Variants in PHACTR1 observed in about 807,000 individuals in gnomAD.
PHACTR1 encodes the protein phosphatase and actin regulator 1, also known as RPEL repeat containing 1.
In PHACTR1, 16 loss-of-function variants were observed where a neutral mutation model predicts 69.2. That is an observed-to-expected ratio of 0.23 (90% CI 0.16 to 0.35). The LOEUF (loss-of-function observed/expected upper bound fraction) is 0.35, where lower values mean the gene tolerates loss of function less well. PHACTR1 is among the 10% of genes least tolerant of loss of function. The pLI, the probability that PHACTR1 is intolerant of heterozygous loss-of-function variation, is 1.00. For missense variants in PHACTR1, 510 were observed against 734.7 expected (o/e 0.69, Z 3.54); for synonymous variants, 312 against 284.5 (o/e 1.10, Z -0.97).
At chr6:12,723,957 T>C (rs763042160) in intron 3 of PHACTR1, among the ~76,000 whole-genome samples, 13 of 152,296 alleles carry the variant, frequency 8.5e-5, no homozygotes, top group Non-Finnish European at 1.5e-4. Context: ...CAGCTATTCT[T>C]CCCCGAATAA....
At chr6:13,170,283 A>T (rs186542476) in intron 6 of PHACTR1, among the ~76,000 whole-genome samples, 7 of 152,310 alleles carry the variant, frequency 4.6e-5, no homozygotes, top group African/African-American at 1.4e-4. Flanking sequence ...GTTTCCATAA[A>T]TTTAAGTATT....
chr6:13,009,804 C>A (rs1296611312), intron 4 of PHACTR1, among the ~76,000 whole-genome samples: 5 of 152,204 alleles, frequency 3.3e-5, no homozygotes, highest in Non-Finnish European at 7.4e-5. Context: ...GCTGCCCATC[C>A]TTGACCTCCC....
At chr6:13,182,308 A>G (rs1460741065) in intron 6 of PHACTR1, among the ~76,000 whole-genome samples, 4 of 152,206 alleles carry the variant, frequency 2.6e-5, no homozygotes, top group Non-Finnish European at 5.9e-5. Context: ...AACAGGCAAA[A>G]TGCTGAAGAT....
chr6:13,001,208 G>A (rs1044416103), intron 4 of PHACTR1, among the ~76,000 whole-genome samples: 6 of 152,178 alleles, frequency 3.9e-5, no homozygotes, highest in Admixed American at 2.0e-4. Flanking sequence ...ATTTTTAGTT[G>A]TGAAAATCAA....
chr6:13,131,711 A>G (rs1820495283), intron 5 of PHACTR1, among the ~76,000 whole-genome samples: 1 of 152,218 alleles, frequency 6.6e-6, no homozygotes, highest in African/African-American at 2.4e-5. Flanking sequence ...TAATTTGATA[A>G]CATGTGGCAT....
intron 4 of PHACTR1, among the ~76,000 whole-genome samples, chr6:13,011,876 C>T (rs948168993): frequency 1.3e-5 from 2 of 152,106 alleles, no homozygotes; most frequent in African/African-American, 4.8e-5. Flanking sequence ...CAGTAAATTC[C>T]CTGGTGCACT....
At chr6:13,067,602 C>T (rs564310174) in intron 5 of PHACTR1, among the ~76,000 whole-genome samples, 1 of 152,220 alleles carries the variant, frequency 6.6e-6, no homozygotes, top group African/African-American at 2.4e-5. Flanking sequence ...AGTTCAATGC[C>T]ATGTACTTGG....
At chr6:13,067,494 C>T (rs922637086) in intron 5 of PHACTR1, among the ~76,000 whole-genome samples, 2 of 152,192 alleles carry the variant, frequency 1.3e-5, no homozygotes, top group South Asian at 4.1e-4. Flanking sequence ...TCAATAAAAA[C>T]TGACACTGGA....
chr6:13,263,238 G>GTTTTTTTTTTT lies in PHACTR1; in HGVS notation c.1392-9609_1392-9599dup, dbSNP rs57164668. ...GTGTCCTTTATTTTGGGCTTTTAGTGTTTTTTTTTTTTTTTTTTTTTTTCA... is the reference window on the plus strand; with the variant it reads ...GTGTCCTTTATTTTGGGCTTTTAGTGTTTTTTTTTTTTTTTTTTTTTTTTTTTTTTTTTTCA... On this transcript the variant is annotated intron_variant, in intron 10 of 14. Coordinates refer to ENST00000332995, the MANE Select transcript of PHACTR1 (RefSeq NM_030948.6). Among the ~76,000 whole-genome samples, 9 of 84,272 alleles carry GTTTTTTTTTTT rather than the reference G, an allele frequency of 1.1e-4. No individual in the cohort carries two copies. The East Asian group carries it at 2.1e-3, about 20-fold the overall frequency. 55.3% of individuals were successfully genotyped at this position (84,272 alleles called of 152,430 possible). A position where few individuals can be genotyped will look rare whatever the true frequency, so the allele number is the denominator to read the frequency against.
Position 12,880,006 on chromosome 6 carries a change from G to A in PHACTR1, c.250+130216G>A, listed in dbSNP as rs116200056. Among the ~76,000 whole-genome samples, 676 of 152,260 alleles carry A rather than the reference G, an allele frequency of 4.4e-3. 9 individuals carry two copies. The highest frequency in any genetic ancestry group is 0.015 in the African/African-American group (642 of 41,550). ...CACATTATTCCCAGAATTTTGAGGT[G>A]CAAAGAGCTAACATCTATTGAGTGT... is the stretch of plus-strand genomic sequence containing the variant. On this transcript the variant is annotated intron_variant, in intron 4 of 14. Coordinates refer to ENST00000332995, the MANE Select transcript of PHACTR1 (RefSeq NM_030948.6).
chr6:12,958,074 T>C, intron 4 of PHACTR1: 1 of 943,388 alleles, frequency 1.1e-6, no homozygotes, highest in Non-Finnish European at 1.3e-6. Flanking sequence ...TATTGCCTTT[T>C]GTTTATTTGT....
chr6:12,828,855 T>A (rs544256217), intron 4 of PHACTR1, among the ~76,000 whole-genome samples: 24 of 152,184 alleles, frequency 1.6e-4, no homozygotes, highest in African/African-American at 5.8e-4. Context: ...GGTTAATGAA[T>A]ACAAAATTAC....
intron 10 of PHACTR1, among the ~76,000 whole-genome samples, chr6:13,239,539 T>C (rs528446568): frequency 2.0e-5 from 3 of 150,738 alleles, no homozygotes; most frequent in Non-Finnish European, 4.4e-5. Flanking sequence ...CAATGGAAGG[T>C]GAGAAAGCTG....
intron 4 of PHACTR1, among the ~76,000 whole-genome samples, chr6:12,897,035 G>A (rs1255445569): frequency 1.3e-5 from 2 of 152,192 alleles, no homozygotes; most frequent in African/African-American, 4.8e-5. Flanking sequence ...TGGATCCAGG[G>A]CAGACGTGGA....
chr6:13,198,340 G>A (rs1020507687), intron 7 of PHACTR1, among the ~76,000 whole-genome samples: 3 of 152,214 alleles, frequency 2.0e-5, no homozygotes, highest in Non-Finnish European at 2.9e-5. Flanking sequence ...CCATGGGCAG[G>A]CGCCTCAGCC....
chr6:12,918,381 A>G (rs1334377151), intron 4 of PHACTR1, among the ~76,000 whole-genome samples: 1 of 152,202 alleles, frequency 6.6e-6, no homozygotes, highest in Non-Finnish European at 1.5e-5. Flanking sequence ...TCACACACAC[A>G]TATCCGTATA....
At chr6:13,178,693 T>C (rs1016734631) in intron 6 of PHACTR1, among the ~76,000 whole-genome samples, 92 of 152,214 alleles carry the variant, frequency 6.0e-4, no homozygotes, top group African/African-American at 2.1e-3. Flanking sequence ...CAGCTCATGA[T>C]TGGAGGTTAT....
chr6:12,917,544 G>A (rs1401223921), intron 4 of PHACTR1, among the ~76,000 whole-genome samples: 1 of 152,204 alleles, frequency 6.6e-6, no homozygotes, highest in Admixed American at 6.5e-5. Context: ...CTTGAAGCCA[G>A]GAGTTTGAGA....
At chr6:12,874,145 G>T (rs1163910218) in intron 4 of PHACTR1, among the ~76,000 whole-genome samples, 1 of 152,204 alleles carries the variant, frequency 6.6e-6, no homozygotes, top group Non-Finnish European at 1.5e-5. Flanking sequence ...TGGGCCTAAA[G>T]TTCTGAAATT....
Sources: gnomAD v4.1 joint callset for allele counts (sites outside exome capture counted in the v4.1 genomes callset) on GRCh38, gnomAD v4.1.1 for gene constraint, MANE v1.5 for transcripts, NCBI Gene and HGNC (gene_info 2026-07-23, HGNC 2026-07-21) for gene names.